Variants in MBP observed in about 807,000 individuals in gnomAD.
The protein encoded by MBP is Golli-MBP.
MBP carries 16 observed loss-of-function variants against 35.8 expected under a neutral mutation model. The ratio of observed to expected loss-of-function variants is 0.45; its 90% CI spans 0.30 to 0.68. The LOEUF (loss-of-function observed/expected upper bound fraction) is 0.68. MBP is among the 30% of genes least tolerant of loss of function. The pLI, the probability that MBP is intolerant of heterozygous loss-of-function variation, is 0.08. For missense variants in MBP, 380 were observed against 404.7 expected (o/e 0.94, Z 0.52); for synonymous variants, 143 against 159.6 (o/e 0.90, Z 0.78).
chr18:76,995,604 A>G (rs1033372984), intron 4 of MBP, among the ~76,000 whole-genome samples: 8 of 152,220 alleles, frequency 5.3e-5, no homozygotes, highest in African/African-American at 1.9e-4. Context: ...ACAGCATTGA[A>G]GCAATTGAAC....
At chr18:77,030,169 G>A (rs991677600) in intron 3 of MBP, among the ~76,000 whole-genome samples, 1 of 151,948 alleles carries the variant, frequency 6.6e-6, no homozygotes, top group Non-Finnish European at 1.5e-5. Flanking sequence ...TAGGAGGCTG[G>A]GAATCAGACA....
At chr18:77,032,346 C>T (rs539477384) in intron 3 of MBP, among the ~76,000 whole-genome samples, 12 of 152,346 alleles carry the variant, frequency 7.9e-5, no homozygotes, top group East Asian at 5.8e-4. Context: ...CCAGGCTTCC[C>T]GCAGAGATTT....
chr18:77,101,975 C>T lies in MBP; in HGVS notation c.51+3236G>A, dbSNP rs1434320438. ...AGCCAGTTATGTGCTGGGGATGCTC[C>T]AGGCTTAGAGACGGAGGCATCAGAG... On this transcript the variant is annotated intron_variant, in intron 2 of 8. Transcript: ENST00000355994. This position sits in a 1 kb window ranked among gnomAD's most constrained non-coding sequence, Gnocchi z 4.3. Among the ~76,000 whole-genome samples the T allele has an allele frequency of 1.3e-5, 2 of 152,212 alleles. No homozygotes were observed. Among genetic ancestry groups the T allele is most frequent in the African/African-American group, 4.8e-5 (2 of 41,452 alleles).
At chr18:76,997,657 C>A (rs1346970871) in intron 4 of MBP, among the ~76,000 whole-genome samples, 1 of 152,164 alleles carries the variant, frequency 6.6e-6, no homozygotes, top group Non-Finnish European at 1.5e-5. Context: ...GACTGCGTGG[C>A]CCGCGTGGAC....
At chr18:77,026,097 C>A (rs1382582274) in intron 3 of MBP, among the ~76,000 whole-genome samples, 7 of 152,352 alleles carry the variant, frequency 4.6e-5, no homozygotes, top group Middle Eastern at 3.4e-3. Flanking sequence ...TTTCGACCAC[C>A]CTGCATGAAT....
At chr18:77,086,975 GGAA>G (rs1251102783) in intron 2 of MBP, among the ~76,000 whole-genome samples, 8 of 152,148 alleles carry the variant, frequency 5.3e-5, no homozygotes, top group African/African-American at 1.4e-4. Context: ...AAATTGCCAC[GGAA>G]GAATAGGCGA....
At chr18:77,098,189 T>TTTTTTTTTTTTTTTTTTTA (rs10670800) in intron 2 of MBP, among the ~76,000 whole-genome samples, 1 of 146,488 alleles carries the variant, frequency 6.8e-6, no homozygotes, top group African/African-American at 2.6e-5. Flanking sequence ...TTTTTTTTTT[T>TTTTTTTTTTTTTTTTTTTA]ACAATAATAG....
At chr18:77,078,284 G>A (rs958780546) in intron 2 of MBP, among the ~76,000 whole-genome samples, 5 of 152,102 alleles carry the variant, frequency 3.3e-5, no homozygotes, top group Non-Finnish European at 7.4e-5. Context: ...GCTGCTTTTT[G>A]TCTACCTTCC....
intron 3 of MBP, among the ~76,000 whole-genome samples, chr18:77,025,879 G>C (rs1485571329): frequency 6.6e-6 from 1 of 152,038 alleles, no homozygotes; most frequent in Non-Finnish European, 1.5e-5. Flanking sequence ...ACAGGCCGAG[G>C]TTCCGCTGCT....
intron 3 of MBP, among the ~76,000 whole-genome samples, chr18:77,025,551 A>G (rs1972178144): frequency 6.6e-6 from 1 of 152,146 alleles, no homozygotes; most frequent in Non-Finnish European, 1.5e-5. Flanking sequence ...CTCCAACAGT[A>G]TGAAGCTCAC....
At chr18:77,121,316 A>G (rs976395583) in intron 1 of MBP, among the ~76,000 whole-genome samples, 1 of 143,196 alleles carries the variant, frequency 7.0e-6, no homozygotes, top group Non-Finnish European at 1.5e-5. Flanking sequence ...TCTCAAAAAA[A>G]AAAAAATAAA....
intron 2 of MBP, among the ~76,000 whole-genome samples, chr18:77,077,318 C>CCAGGGCAG (rs1289359928): frequency 7.1e-6 from 1 of 141,568 alleles, no homozygotes; most frequent in Non-Finnish European, 1.5e-5. Flanking sequence ...GCACTGCAGG[C>CCAGGGCAG]TGCACTCCAG....
chr18:77,046,087 T>C (rs1973245813), intron 3 of MBP, among the ~76,000 whole-genome samples: 1 of 152,246 alleles, frequency 6.6e-6, no homozygotes, highest in Non-Finnish European at 1.5e-5. Context: ...AATCTAGATA[T>C]TCAAATTGCT....
chr18:77,057,097 T>G (rs1447643013), intron 3 of MBP, among the ~76,000 whole-genome samples: 1 of 151,928 alleles, frequency 6.6e-6, no homozygotes, highest in Non-Finnish European at 1.5e-5. Context: ...TATTCAGAAG[T>G]GTGTTTGGGT....
chr18:76,982,882 C>T (rs1969287906), intron 8 of MBP: 1 of 146,564 alleles, frequency 6.8e-6, no homozygotes, highest in Non-Finnish European at 1.5e-5. Context: ...ATAGAAGCTT[C>T]CCTTGAACTC....
Position 76,980,038 on chromosome 18 carries a change from C to A in MBP, c.*389G>T. On this transcript the variant is annotated 3_prime_UTR_variant, in exon 9 of 9. Transcript: ENST00000355994. ...TCCTCTCTGTCTCTGCAGCTGTGTG[C>A]CTCCATGGCAGTGACCAGCAAAAGC... 1.4e-6 allele frequency: 1 copy of A among 702,424 alleles called. No homozygotes were observed. The highest frequency in any genetic ancestry group is 2.6e-6 in the Non-Finnish European group (1 of 384,980). The allele number at this position is 702,424 out of a possible 1,614,324, so 43.5% of individuals were successfully genotyped here.
chr18:76,991,508 C>T (rs1172926762), intron 4 of MBP, among the ~76,000 whole-genome samples: 2 of 152,160 alleles, frequency 1.3e-5, no homozygotes, highest in Non-Finnish European at 2.9e-5. Context: ...ACTGCAAAGG[C>T]CCAACAGCGG....
chr18:77,032,727 C>T (rs1271233581), intron 3 of MBP, among the ~76,000 whole-genome samples: 3 of 152,184 alleles, frequency 2.0e-5, no homozygotes, highest in Non-Finnish European at 4.4e-5. Flanking sequence ...GGTTGTGCAG[C>T]CTTTGGTGAA....
chr18:77,076,086 G>A (rs1974638658), intron 2 of MBP, among the ~76,000 whole-genome samples: 1 of 152,222 alleles, frequency 6.6e-6, no homozygotes, highest in African/African-American at 2.4e-5. Flanking sequence ...GACGGTTTAT[G>A]CTATTCAACT....
Sources: allele counts gnomAD v4.1 joint callset (sites outside exome capture counted in the v4.1 genomes callset), GRCh38; gene constraint gnomAD v4.1.1; non-coding constraint Gnocchi (gnomAD v3.1); transcripts MANE v1.5; gene names NCBI Gene and HGNC (gene_info 2026-07-23, HGNC 2026-07-21).